RPN2: variants seen among roughly 807,000 people sequenced by gnomAD.
RPN2 encodes the protein ribophorin II.
In RPN2, 29 loss-of-function variants were observed where a neutral mutation model predicts 71.4. The ratio of observed to expected loss-of-function variants is 0.41; its 90% CI spans 0.30 to 0.55. The LOEUF (loss-of-function observed/expected upper bound fraction) is 0.55. Among genes scored for constraint, RPN2 ranks in the 20% least tolerant of loss-of-function variants. The pLI, the probability that RPN2 is intolerant of heterozygous loss-of-function variation, is 0.35. For missense variants in RPN2, 726 were observed against 774.1 expected (o/e 0.94, Z 0.74); for synonymous variants, 308 against 305.0 (o/e 1.01, Z -0.10).
At chr20:37,204,520 T>A (rs2067466806) in intron 5 of RPN2, among the ~76,000 whole-genome samples, 1 of 152,196 alleles carries the variant, frequency 6.6e-6, no homozygotes, top group African/African-American at 2.4e-5. Flanking sequence ...GGCTTGGGCC[T>A]GCATACAAGG....
In RPN2 at chr20:37,232,305, C is replaced by T. The variant is rs533558695; in HGVS notation, c.1591C>T (p.Arg531Cys). The T allele has an allele frequency of 6.8e-6, 11 of 1,614,182 alleles. No homozygotes were observed. The highest frequency in any genetic ancestry group is 5.3e-5 in the African/African-American group (4 of 75,026). ...GTGTGTCTTTCGGCAGCACCTGTTCCGCGAGCCTGAGAAGAGGCCCCCCAC... is the reference window on the plus strand; with the variant it reads ...GTGTGTCTTTCGGCAGCACCTGTTCTGCGAGCCTGAGAAGAGGCCCCCCAC... ...TPKQEIQHLFREPEKRPPTVV... is the reference protein window; with the variant it reads ...TPKQEIQHLFCEPEKRPPTVV... The change falls in exon 14 of 17, where the codon CGC (arginine) becomes TGC (cysteine). Residue 531 changes from arginine to cysteine, a missense_variant. Transcript: ENST00000237530.
chr20:37,236,828 C>T (rs2068410077), intron 16 of RPN2, 119 bp downstream of exon 16: 2 of 1,001,106 alleles, frequency 2.0e-6, no homozygotes, highest in Middle Eastern at 3.0e-4. Flanking sequence ...AAGTCTGACA[C>T]CCTAATCTAG....
rs181145853 is a variant in RPN2 at position 37,206,807 on chromosome 20, C to G, written c.691-466C>G. On this transcript the variant is annotated intron_variant, in intron 6 of 16. Transcript: ENST00000237530. ...CACTGCAACCTCCACCTCCTGGGTT[C>G]AAGCAATTCTCGTGCCTCAGCCTCT... is the stretch of plus-strand genomic sequence containing the variant. Among the ~76,000 whole-genome samples, 5 of 152,158 alleles carry G rather than the reference C, an allele frequency of 3.3e-5. No homozygotes were observed. In the East Asian group the frequency reaches 9.7e-4, roughly 29 times the overall value.
rs540999700 is a variant in RPN2 at position 37,228,149 on chromosome 20, A to G, written c.1300-401A>G. Among the ~76,000 whole-genome samples the G allele has an allele frequency of 7.9e-5, 12 of 152,224 alleles. No homozygotes were observed. In the South Asian group the frequency reaches 2.3e-3, roughly 29 times the overall value. On this transcript the variant is annotated intron_variant, in intron 11 of 16. Coordinates refer to ENST00000237530, the MANE Select transcript of RPN2 (RefSeq NM_002951.5). ...AGCTGGAGGCACAAGGAAATTGAAAATGGGCCTCTTACAGTTCCACCTCAT... is the reference window on the plus strand; with the variant it reads ...AGCTGGAGGCACAAGGAAATTGAAAGTGGGCCTCTTACAGTTCCACCTCAT...
In RPN2 at chr20:37,238,697, A is replaced by G. The variant is rs1310887552; in HGVS notation, c.1883+1988A>G. 3 of 725,422 alleles carry G rather than the reference A, an allele frequency of 4.1e-6. No individual in the cohort carries two copies. In the African/African-American group the frequency reaches 5.2e-5, roughly 12 times the overall value. The allele number at this position is 725,422 out of a possible 1,614,324, so 44.9% of individuals were successfully genotyped here. ...AGTGAGCAGCTTTGGCCTGGCTTTG[A>G]CTGTATAAGACTTCATTCTCCCTTA... On this transcript the variant is annotated intron_variant, in intron 16 of 16. Transcript: ENST00000237530.
chr20:37,231,604 C>T (rs1438912020), intron 13 of RPN2, among the ~76,000 whole-genome samples: 1 of 151,538 alleles, frequency 6.6e-6, no homozygotes, highest in Non-Finnish European at 1.5e-5. Context: ...CCCAACTACT[C>T]AGGAGGCTAA....
intron 12 of RPN2, among the ~76,000 whole-genome samples, chr20:37,229,492 G>A (rs1412618140): frequency 6.6e-6 from 1 of 152,146 alleles, no homozygotes; most frequent in Non-Finnish European, 1.5e-5. Flanking sequence ...CAAATTGCAG[G>A]CTTTGAATGG....
chr20:37,184,305 A>C lies in RPN2; in HGVS notation c.139A>C (p.Asn47His), dbSNP rs979094699. Reference sequence around the variant, plus strand: ...AGCCTCGCTGGATCGCCCTTTCACAAATTTGGAATCTGCCTTCTACTCCAT... The same window carrying C: ...AGCCTCGCTGGATCGCCCTTTCACACATTTGGAATCTGCCTTCTACTCCAT... Reference protein sequence around the residue: ...LKASLDRPFTNLESAFYSIVG... With the variant: ...LKASLDRPFTHLESAFYSIVG... The change falls in exon 2 of 17, where the codon AAT becomes CAT. Residue 47 changes from asparagine to histidine, a missense_variant. By Grantham distance (68) the Asn-to-His change is moderately conservative (BLOSUM62 1). Transcript: ENST00000237530. 1.2e-6 allele frequency: 2 copies of C among 1,614,106 alleles called. No individual in the cohort carries two copies. The highest frequency in any genetic ancestry group is 1.7e-6 in the Non-Finnish European group (2 of 1,180,018).
chr20:37,222,782 G>A (rs2067992050), intron 9 of RPN2, among the ~76,000 whole-genome samples: 1 of 152,174 alleles, frequency 6.6e-6, no homozygotes. Flanking sequence ...ATTCAAACTT[G>A]GGTTTTAATT....
At chr20:37,181,165 G>T (rs1171802287) in intron 1 of RPN2, among the ~76,000 whole-genome samples, 3 of 151,762 alleles carry the variant, frequency 2.0e-5, no homozygotes, top group Admixed American at 2.0e-4. Context: ...GGAGGCGGAG[G>T]CTGCAGTGAG....
chr20:37,241,474 A>T lies in RPN2; in HGVS notation c.*159A>T. 1.2e-6 allele frequency: 1 copy of T among 810,578 alleles called. No homozygotes were observed. 50.2% of individuals were successfully genotyped at this position (810,578 alleles called of 1,614,324 possible). On this transcript the variant is annotated 3_prime_UTR_variant, in exon 17 of 17. Transcript: ENST00000237530. ...TTTTGCTTGTTTTTCAGTTTCCCCA[A>T]CACACAGCAGATACCTGGTGAGCTC...
intron 14 of RPN2, among the ~76,000 whole-genome samples, chr20:37,233,574 A>G (rs1351381109): frequency 2.0e-5 from 3 of 152,160 alleles, no homozygotes; most frequent in Non-Finnish European, 4.4e-5. Context: ...ACCTGTCCTT[A>G]CATTTCAGTG....
intron 10 of RPN2, among the ~76,000 whole-genome samples, 191 bp downstream of exon 10, chr20:37,224,160 A>T (rs1445717842): frequency 1.3e-5 from 2 of 152,162 alleles, no homozygotes; most frequent in African/African-American, 4.8e-5. Flanking sequence ...GGATTTGGAG[A>T]TTGTATATAC....
intron 10 of RPN2, among the ~76,000 whole-genome samples, chr20:37,225,133 C>G (rs2146667743): frequency 6.6e-6 from 1 of 152,276 alleles, no homozygotes; most frequent in African/African-American, 2.4e-5. Flanking sequence ...TCAAGTCTGC[C>G]TTTTGGGAAA....
At chr20:37,236,489 A>C (rs1163325345) in intron 15 of RPN2, 91 bp from the exon 16 acceptor site, 81 of 1,389,568 alleles carry the variant, frequency 5.8e-5, no homozygotes, top group Non-Finnish European at 5.7e-5. Context: ...AGACCTTTTC[A>C]TGATCCAACA....
intron 2 of RPN2, among the ~76,000 whole-genome samples, chr20:37,192,204 A>G (rs745588431): frequency 6.6e-6 from 1 of 152,210 alleles, no homozygotes; most frequent in Non-Finnish European, 1.5e-5. Context: ...CTGGCACATG[A>G]TGAGTGCATA....
chr20:37,203,852 C>T, intron 4 of RPN2, 33 bp from the exon 5 acceptor site: 5 of 1,484,380 alleles, frequency 3.4e-6, no homozygotes, highest in Non-Finnish European at 4.7e-6. Context: ...ACAAGACTTG[C>T]CATTCATTGG....
intron 2 of RPN2, among the ~76,000 whole-genome samples, chr20:37,197,522 T>C (rs1295502688): frequency 2.0e-5 from 3 of 152,180 alleles, no homozygotes; most frequent in African/African-American, 4.8e-5. Context: ...GTTTCTGGTT[T>C]GGGTTGCTGG....
chr20:37,193,538 TA>T (rs1179883618), intron 2 of RPN2, among the ~76,000 whole-genome samples: 1 of 152,208 alleles, frequency 6.6e-6, no homozygotes, highest in Admixed American at 6.5e-5. Context: ...CAATATATTT[TA>T]AATAGCTAGT....
Sources: gnomAD v4.1 joint callset for allele counts (sites outside exome capture counted in the v4.1 genomes callset) on GRCh38, gnomAD v4.1.1 for gene constraint, MANE v1.5 for transcripts, NCBI Gene and HGNC (gene_info 2026-07-23, HGNC 2026-07-21) for gene names.